The following PDE11A variants were observed in gnomAD, a reference collection of about 807,000 sequenced individuals.
The protein encoded by PDE11A is phosphodiesterase 11A.
In PDE11A, 100 loss-of-function variants were observed where a neutral mutation model predicts 100.5. That is an observed-to-expected ratio of 1.00 (90% confidence interval 0.85 to 1.18). The LOEUF is 1.18. Ranked by LOEUF, PDE11A falls within the 50% of genes most tolerant of loss-of-function variation. The pLI is 0.00. For missense variants in PDE11A, 1,141 were observed against 1,152.6 expected (o/e 0.99, Z 0.15); for synonymous variants, 381 against 420.8 (o/e 0.91, Z 1.16).
rs762319886 is a variant in PDE11A, at chr2:177,680,825, C to G, written c.2423+1G>C. The G allele has an allele frequency of 6.5e-7, 1 of 1,542,962 alleles. No individual in the cohort carries two copies. The highest frequency in any genetic ancestry group is 1.4e-5 in the African/African-American group (1 of 73,196). ...ACACATAAACAAGAGCTTTTTCTTA[C>G]CGAAATATATCACGATGGTTTTTGA... On this transcript the variant is annotated splice_donor_variant, in intron 16 of 19. Coordinates refer to ENST00000286063, the MANE Select transcript of PDE11A (RefSeq NM_016953.4). LOFTEE classifies it high-confidence loss of function.
chr2:178,038,832 A>G (rs1017209645), intron 1 of PDE11A: 2 of 152,190 alleles, frequency 1.3e-5, no homozygotes. Context: ...CTGGCCCCAT[A>G]TATATTCACT....
chr2:177,924,876 C>G, intron 2 of PDE11A, among the ~76,000 whole-genome samples: 1 of 141,256 alleles, frequency 7.1e-6, no homozygotes, highest in Non-Finnish European at 1.5e-5. Flanking sequence ...CTATCCCTCC[C>G]CCCTCCCCCT....
At chr2:177,904,172 T>A (rs1349033667) in intron 3 of PDE11A, among the ~76,000 whole-genome samples, 1 of 152,230 alleles carries the variant, frequency 6.6e-6, no homozygotes, top group Non-Finnish European at 1.5e-5. Context: ...TATAATATAA[T>A]TTAATCTCTA....
intron 15 of PDE11A, chr2:177,686,573 GA>G (rs1002358867): frequency 1.4e-5 from 2 of 147,482 alleles, no homozygotes; most frequent in African/African-American, 2.5e-5. Context: ...TTTCAAAAAA[GA>G]AAAAAAAGGA....
intron 9 of PDE11A, among the ~76,000 whole-genome samples, chr2:177,798,411 G>A (rs2082735866): frequency 6.6e-6 from 1 of 152,130 alleles, no homozygotes; most frequent in Admixed American, 6.6e-5. Flanking sequence ...TGCTGTTTTG[G>A]TGAAAATCGA....
In PDE11A at chr2:177,701,205, G is replaced by C. The variant is rs2081191288; in HGVS notation, c.2160C>G (p.Gly720=). 6.4e-7 allele frequency: 1 copy of C among 1,555,154 alleles called. No homozygotes were observed. The highest frequency in any genetic ancestry group is 8.9e-7 in the Non-Finnish European group (1 of 1,126,436). Residue 720 remains glycine, a synonymous_variant, in exon 14 of 20, where the codon GGC becomes GGG. Transcript: ENST00000286063. ...TTCCATAGAGTTGGGCCAGGGCAGA[G>C]CCACTCCTGAAAGAGGACAGAGGGT... is the stretch of plus-strand genomic sequence containing the variant. ...GTNNAFQAKS[G]SALAQLYGTS...
chr2:177,675,341 G>A lies in PDE11A; in HGVS notation c.2487+114C>T, dbSNP rs545893518. The A allele has an allele frequency of 1.8e-4, 136 of 773,656 alleles. No individual in the cohort carries two copies. The Middle Eastern group carries it at 2.5e-3, about 14-fold the overall frequency. The allele number at this position is 773,656 out of a possible 1,614,324, so 47.9% of individuals were successfully genotyped here. A position where few individuals can be genotyped will look rare whatever the true frequency, so the allele number is the denominator to read the frequency against. On this transcript the variant is annotated intron_variant, in intron 17 of 19. Transcript: ENST00000286063. Reference sequence around the variant, plus strand: ...CTATTTTTTACACCATGTTAATACTGATGCAAATTGACTAGGGTTTCAGTG... The same window carrying A: ...CTATTTTTTACACCATGTTAATACTAATGCAAATTGACTAGGGTTTCAGTG...
chr2:177,907,397 A>G (rs1276417721), intron 2 of PDE11A, among the ~76,000 whole-genome samples: 1 of 152,226 alleles, frequency 6.6e-6, no homozygotes, highest in African/African-American at 2.4e-5. Flanking sequence ...AAAATAATTT[A>G]TAATAGTAAT....
At chr2:177,730,039 C>T (rs537345321) in intron 10 of PDE11A, among the ~76,000 whole-genome samples, 1 of 152,252 alleles carries the variant, frequency 6.6e-6, no homozygotes, top group South Asian at 2.1e-4. Flanking sequence ...CCATCCCCCT[C>T]TGCATTTTGA....
intron 2 of PDE11A, among the ~76,000 whole-genome samples, chr2:178,081,244 T>C (rs2087281491): frequency 6.6e-6 from 1 of 151,908 alleles, no homozygotes; most frequent in Non-Finnish European, 1.5e-5. Context: ...TCTGAAAGAG[T>C]TTCTCACTTG....
At chr2:177,660,950 T>C (rs946496059) in intron 19 of PDE11A, among the ~76,000 whole-genome samples, 1 of 152,214 alleles carries the variant, frequency 6.6e-6, no homozygotes, top group African/African-American at 2.4e-5. Context: ...CTCGCTGTTC[T>C]GTCCCACTGC....
At chr2:177,751,431 A>AACATTCCAAGACTTT (rs2082025350) in intron 10 of PDE11A, among the ~76,000 whole-genome samples, 1 of 152,232 alleles carries the variant, frequency 6.6e-6, no homozygotes, top group South Asian at 2.1e-4. Context: ...GTTGTAGGTA[A>AACATTCCAAGACTTT]ACATTCCAAG....
chr2:178,044,878 C>T (rs534667562), intron 1 of PDE11A, among the ~76,000 whole-genome samples: 95 of 152,236 alleles, frequency 6.2e-4, no homozygotes, highest in African/African-American at 2.2e-3. Flanking sequence ...TTATACCCCA[C>T]TCCACTTATT....
At chr2:177,636,168 A>C (rs1005810775) in intron 19 of PDE11A, among the ~76,000 whole-genome samples, 6 of 152,184 alleles carry the variant, frequency 3.9e-5, no homozygotes, top group Non-Finnish European at 7.3e-5. Context: ...AGGGAACAGA[A>C]ACCATAGCTA....
At chr2:178,016,377 G>C (rs936980514) in intron 1 of PDE11A, among the ~76,000 whole-genome samples, 5 of 151,990 alleles carry the variant, frequency 3.3e-5, no homozygotes, top group Non-Finnish European at 5.9e-5. Flanking sequence ...CAATTAAAGA[G>C]AGGGAAATCA....
intron 6 of PDE11A, among the ~76,000 whole-genome samples, chr2:177,832,478 C>T (rs961467671): frequency 6.6e-6 from 1 of 152,116 alleles, no homozygotes; most frequent in Non-Finnish European, 1.5e-5. Context: ...TTCGGACTGG[C>T]TTCCTTGCTC....
intron 10 of PDE11A, among the ~76,000 whole-genome samples, chr2:177,728,376 T>C (rs1173387789): frequency 4.6e-5 from 1 of 21,960 alleles, no homozygotes; most frequent in African/African-American, 1.9e-4. Context: ...GGGGCAGGGT[T>C]GGGGGCGGGG....
intron 13 of PDE11A, chr2:177,702,639 G>T (rs996147165): frequency 6.6e-6 from 1 of 152,026 alleles, no homozygotes; most frequent in African/African-American, 2.4e-5. Context: ...AACTTCAGTG[G>T]GAGGCAGCCC....
At chr2:177,911,959 C>T (rs2084887315) in intron 2 of PDE11A, among the ~76,000 whole-genome samples, 1 of 151,856 alleles carries the variant, frequency 6.6e-6, no homozygotes, top group African/African-American at 2.4e-5. Context: ...TGAGAATTGA[C>T]ATTCTGAAGA....
Sources: allele counts gnomAD v4.1 joint callset (sites outside exome capture counted in the v4.1 genomes callset), GRCh38; gene constraint gnomAD v4.1.1; transcripts MANE v1.5; gene names NCBI Gene and HGNC (gene_info 2026-07-23, HGNC 2026-07-21).